The following SLC4A5 variants were observed in gnomAD, a reference collection of about 807,000 sequenced individuals.
The protein encoded by SLC4A5 is solute carrier family 4 member 5, also known as electrogenic sodium bicarbonate cotransporter 4.
In SLC4A5, 96 loss-of-function variants were observed where a neutral mutation model predicts 120.4. That is an observed-to-expected ratio of 0.80 (90% CI 0.68 to 0.94). The LOEUF is 0.94. SLC4A5 is among the 40% of genes least tolerant of loss of function. The pLI is 0.00. For missense variants in SLC4A5, 1,259 were observed against 1,459.5 expected (o/e 0.86, Z 2.24); for synonymous variants, 550 against 571.1 (o/e 0.96, Z 0.53).
chr2:74,327,405 C>G (rs974265341), intron 5 of SLC4A5, among the ~76,000 whole-genome samples: 2 of 152,142 alleles, frequency 1.3e-5, no homozygotes, highest in African/African-American at 2.4e-5. Flanking sequence ...AAGAATGACA[C>G]GGGGTCATGC....
intron 5 of SLC4A5, among the ~76,000 whole-genome samples, chr2:74,326,616 C>T (rs1321009614): frequency 2.6e-5 from 4 of 152,032 alleles, no homozygotes; most frequent in African/African-American, 7.2e-5. Context: ...GTCAGGAGTT[C>T]GATTCCAGCA....
intron 10 of SLC4A5, 45 bp downstream of exon 10, chr2:74,264,102 C>G: frequency 1.3e-6 from 2 of 1,590,836 alleles, no homozygotes; most frequent in Non-Finnish European, 1.7e-6. Context: ...GGGCCTGATA[C>G]TGGCCCTGCA....
intron 19 of SLC4A5, among the ~76,000 whole-genome samples, chr2:74,245,048 C>T (rs947822444): frequency 1.4e-4 from 21 of 152,124 alleles, no homozygotes; most frequent in African/African-American, 5.1e-4. Context: ...TGGCCAGGCA[C>T]GGTGGCTCAC....
intron 24 of SLC4A5, 105 bp downstream of exon 24, chr2:74,232,363 CG>C (rs1294342094): frequency 1.1e-5 from 14 of 1,331,570 alleles, no homozygotes; most frequent in South Asian, 4.2e-5. Context: ...GCCGTCAGAG[CG>C]GGGGCCCTTT....
chr2:74,278,497 C>T (rs1197027958), intron 8 of SLC4A5, among the ~76,000 whole-genome samples: 1 of 152,080 alleles, frequency 6.6e-6, no homozygotes, highest in Non-Finnish European at 1.5e-5. Context: ...ATCCTAAGTC[C>T]CTGAGGGATG....
chr2:74,337,531 T>G (rs1487507059), intron 3 of SLC4A5, among the ~76,000 whole-genome samples: 1 of 152,140 alleles, frequency 6.6e-6, no homozygotes, highest in African/African-American at 2.4e-5. Flanking sequence ...ACAAACTAAT[T>G]TTTTTACACA....
chr2:74,304,845 T>C (rs1672591458), intron 6 of SLC4A5, among the ~76,000 whole-genome samples, 165 bp from the exon 7 acceptor site: 1 of 152,212 alleles, frequency 6.6e-6, no homozygotes, highest in Admixed American at 6.5e-5. Flanking sequence ...CCAAGTTCCA[T>C]TAATGAACCA....
chr2:74,252,381 C>A (rs1553453865), exon 16 of SLC4A5: 2 of 1,612,546 alleles, frequency 1.2e-6, no homozygotes, highest in Admixed American at 3.3e-5. Flanking sequence ...AGGGAGAACA[C>A]AGATTTCCTG....
intron 11 of SLC4A5, among the ~76,000 whole-genome samples, chr2:74,261,626 C>T: frequency 6.6e-6 from 1 of 152,146 alleles, no homozygotes; most frequent in East Asian, 1.9e-4. Flanking sequence ...ACCTGTCTGT[C>T]ACCTCTCACC....
chr2:74,227,451 A>C, intron 26 of SLC4A5: 2 of 1,568,124 alleles, frequency 1.3e-6, no homozygotes, highest in African/African-American at 2.7e-5. Context: ...ATACAGAACA[A>C]AACAAAAATG....
intron 18 of SLC4A5, among the ~76,000 whole-genome samples, chr2:74,247,806 C>T (rs1055383084): frequency 7.2e-5 from 11 of 152,152 alleles, no homozygotes; most frequent in South Asian, 2.1e-4. Flanking sequence ...TGAGCCACCA[C>T]GCCCGGCCAA....
chr2:74,222,915 A>G (rs757085721), exon 29 of SLC4A5: 8 of 1,613,394 alleles, frequency 5.0e-6, no homozygotes, highest in Non-Finnish European at 6.8e-6. Context: ...GACACTTTCC[A>G]TGGGAATCTT....
At chr2:74,327,425 G>A (rs951760422) in intron 5 of SLC4A5, among the ~76,000 whole-genome samples, 6 of 152,196 alleles carry the variant, frequency 3.9e-5, no homozygotes. Context: ...CTGGGCTTTA[G>A]AAAGCTAAGC....
rs115678437 is a variant in SLC4A5 at position 74,231,239 on chromosome 2, T to C, written c.2844A>G (p.Leu948=). ...AGGTGACAGTGCAGGACCTCACCTT[T>C]AGGATGGGAGCCAGGAAGACAGAGA... The change falls in exon 25 of 31, where the codon CTA becomes CTG. Residue 948 remains leucine (L), a synonymous_variant. Transcript: ENST00000394019. 1,616 of 1,611,192 alleles carry C rather than the reference T, an allele frequency of 1.0e-3. 10 individuals carry two copies. The African/African-American group carries it at 0.014, about 14-fold the overall frequency.
chr2:74,276,915 A>G (rs1172709194), intron 8 of SLC4A5, among the ~76,000 whole-genome samples: 1 of 152,050 alleles, frequency 6.6e-6, no homozygotes, highest in Non-Finnish European at 1.5e-5. Flanking sequence ...GGCAGGGACA[A>G]GCAGAAGAAG....
chr2:74,314,223 G>A (rs1672894545), intron 6 of SLC4A5, among the ~76,000 whole-genome samples: 1 of 152,160 alleles, frequency 6.6e-6, no homozygotes, highest in Non-Finnish European at 1.5e-5. Context: ...GAACTGTGGG[G>A]AGTGGCTTGC....
intron 6 of SLC4A5, among the ~76,000 whole-genome samples, chr2:74,314,716 T>C (rs1573095168): frequency 6.6e-6 from 1 of 152,356 alleles, no homozygotes; most frequent in East Asian, 1.9e-4. Context: ...GGGGAAGCTA[T>C]ATTCTAATCC....
At chr2:74,312,951 A>G (rs1672852973) in intron 6 of SLC4A5, among the ~76,000 whole-genome samples, 1 of 151,026 alleles carries the variant, frequency 6.6e-6, no homozygotes, top group South Asian at 2.1e-4. Context: ...AAATAAAGTG[A>G]TTATTGAGAT....
chr2:74,220,559 C>T (rs1694595470), intron 30 of SLC4A5, among the ~76,000 whole-genome samples: 1 of 152,052 alleles, frequency 6.6e-6, no homozygotes, highest in Non-Finnish European at 1.5e-5. Context: ...CTCTGTTGCC[C>T]AGGCTGGAGT....
Sources: gnomAD v4.1 joint callset for allele counts (sites outside exome capture counted in the v4.1 genomes callset) on GRCh38, gnomAD v4.1.1 for gene constraint, MANE v1.5 for transcripts, NCBI Gene and HGNC (gene_info 2026-07-23, HGNC 2026-07-21) for gene names.